The following ASIC2 variants were observed in gnomAD, a reference collection of about 807,000 sequenced individuals.
ASIC2 encodes acid sensing ion channel subunit 2.
A neutral mutation model predicts 57.3 loss-of-function variants in ASIC2; 25 were observed. The observed-to-expected ratio is 0.44, with a 90% confidence interval of 0.32 to 0.61. The LOEUF (loss-of-function observed/expected upper bound fraction) is 0.61, where lower values mean the gene tolerates loss of function less well. Ranked by LOEUF, ASIC2 falls within the 20% of genes least tolerant of loss-of-function variation. The pLI, the probability that ASIC2 is intolerant of heterozygous loss-of-function variation, is 0.06. For missense variants in ASIC2, 641 were observed against 738.1 expected (o/e 0.87, Z 1.52); for synonymous variants, 319 against 307.5 (o/e 1.04, Z -0.39).
intron 2 of ASIC2, among the ~76,000 whole-genome samples, chr17:33,097,654 A>T (rs1291670629): frequency 6.6e-6 from 1 of 152,236 alleles, no homozygotes; most frequent in African/African-American, 2.4e-5. Context: ...CATTGGTGCC[A>T]GATGACAAGC....
chr17:33,526,203 T>G (rs1265829150), intron 1 of ASIC2, among the ~76,000 whole-genome samples: 1 of 152,122 alleles, frequency 6.6e-6, no homozygotes, highest in African/African-American at 2.4e-5. Flanking sequence ...CAACCAGCCT[T>G]TTCTGGAGCA....
intron 1 of ASIC2, among the ~76,000 whole-genome samples, chr17:33,813,135 G>A (rs1054938459): frequency 6.6e-6 from 1 of 152,150 alleles, no homozygotes; most frequent in Admixed American, 6.5e-5. Context: ...GATAGTGACC[G>A]CAGAATGGTC....
At chr17:34,096,805 C>T (rs576111910) in intron 1 of ASIC2, among the ~76,000 whole-genome samples, 18 of 129,066 alleles carry the variant, frequency 1.4e-4, no homozygotes, top group Non-Finnish European at 2.3e-4. Flanking sequence ...TGCAGTGAGC[C>T]GAGATCATGC....
At chr17:34,008,814 C>A (rs979562330) in intron 1 of ASIC2, among the ~76,000 whole-genome samples, 2 of 152,168 alleles carry the variant, frequency 1.3e-5, no homozygotes, top group Non-Finnish European at 2.9e-5. Context: ...CCCTAGCCAT[C>A]CCAAGCATGT....
At position 33,159,476 on chromosome 17, in the gene ASIC2, G is replaced by A. The variant is rs73982439; in HGVS notation, c.709-47409C>T. On this transcript the variant is annotated intron_variant, in intron 1 of 9. Coordinates refer to ENST00000225823, the MANE Select transcript of ASIC2 (RefSeq NM_183377.2). ...TAGATCAGTCTCCCCTCTCCCTCCC[G>A]TTTTATTGATGGGAAAACTGAGGCT... 8.5e-5 allele frequency among the ~76,000 whole-genome samples: 13 copies of A among 152,192 alleles called. No homozygotes were observed. In the East Asian group the frequency reaches 1.9e-3, roughly 23 times the overall value.
At chr17:33,111,749 G>C in intron 2 of ASIC2, 168 bp downstream of exon 2, 2 of 934,076 alleles carry the variant, frequency 2.1e-6, no homozygotes, top group South Asian at 2.2e-5. Context: ...GAAACCCAGG[G>C]CATCCCAGCC....
chr17:33,500,305 A>G (rs182965784), intron 1 of ASIC2, among the ~76,000 whole-genome samples: 18 of 152,274 alleles, frequency 1.2e-4, no homozygotes, highest in Admixed American at 7.2e-4. Flanking sequence ...GTGACAGGCC[A>G]AAGTAGCAAC....
chr17:33,865,768 A>AAC (rs1914219926), intron 1 of ASIC2, among the ~76,000 whole-genome samples: 1 of 80,032 alleles, frequency 1.2e-5, no homozygotes. Context: ...ATAAAAAAAA[A>AAC]AAACAAAAAA....
intron 1 of ASIC2, among the ~76,000 whole-genome samples, chr17:33,777,084 G>C (rs1911305889): frequency 6.6e-6 from 1 of 152,034 alleles, no homozygotes; most frequent in African/African-American, 2.4e-5. Context: ...GCCAATGTCT[G>C]CCTCTTGGGC....
intron 2 of ASIC2, among the ~76,000 whole-genome samples, chr17:33,101,853 T>G (rs943753073): frequency 7.9e-5 from 12 of 151,192 alleles, no homozygotes; most frequent in Non-Finnish European, 1.3e-4. Context: ...GTTTTTCCTG[T>G]TTTTTTTTCC....
chr17:33,762,134 G>C (rs1910803293), intron 1 of ASIC2, among the ~76,000 whole-genome samples: 1 of 152,178 alleles, frequency 6.6e-6, no homozygotes, highest in Non-Finnish European at 1.5e-5. Context: ...AGCAGGTGCT[G>C]AGAATGGTAT....
intron 1 of ASIC2, among the ~76,000 whole-genome samples, chr17:33,311,207 G>A (rs1906402287): frequency 6.6e-6 from 1 of 152,194 alleles, no homozygotes; most frequent in South Asian, 2.1e-4. Context: ...CATGCTTCTA[G>A]GTCTCTAGGT....
intron 1 of ASIC2, among the ~76,000 whole-genome samples, chr17:34,099,476 G>A (rs1910735346): frequency 7.4e-6 from 1 of 134,760 alleles, no homozygotes; most frequent in Non-Finnish European, 1.5e-5. Context: ...GAGAGAGAAA[G>A]GAAGGAAGGA....
At chr17:33,867,795 T>C (rs576819907) in intron 1 of ASIC2, among the ~76,000 whole-genome samples, 1 of 152,332 alleles carries the variant, frequency 6.6e-6, no homozygotes, top group East Asian at 1.9e-4. Flanking sequence ...TGGGATCATG[T>C]CTATATCTTT....
chr17:33,089,016 C>T (rs1240258776), intron 2 of ASIC2, 26 bp from the exon 3 acceptor site: 2 of 1,613,148 alleles, frequency 1.2e-6, no homozygotes, highest in South Asian at 2.2e-5. Flanking sequence ...TGGACAGAGC[C>T]ACGGGTCAGT....
intron 1 of ASIC2, among the ~76,000 whole-genome samples, chr17:33,710,515 G>A (rs1252648030): frequency 6.6e-6 from 1 of 152,214 alleles, no homozygotes; most frequent in Admixed American, 6.5e-5. Context: ...CTGCAATCTG[G>A]TGAGGTCATG....
At chr17:33,754,145 G>A (rs1320483392) in intron 1 of ASIC2, among the ~76,000 whole-genome samples, 1 of 152,074 alleles carries the variant, frequency 6.6e-6, no homozygotes, top group African/African-American at 2.4e-5. Flanking sequence ...TGTTCTTTAT[G>A]GGGTAGGTTG....
intron 1 of ASIC2, among the ~76,000 whole-genome samples, chr17:33,522,132 C>T (rs8064300): frequency 0.26 from 38,865 of 152,088 alleles, 5,051 homozygotes; most frequent in East Asian, 0.34. Flanking sequence ...TGTCAGTCCC[C>T]CCACTCCTTC....
intron 1 of ASIC2, among the ~76,000 whole-genome samples, chr17:33,707,501 T>C (rs1412697993): frequency 1.3e-5 from 2 of 152,206 alleles, no homozygotes. Context: ...AAACTTTGTA[T>C]TTTGGCTTTC....
Sources: gnomAD v4.1 joint callset for allele counts (sites outside exome capture counted in the v4.1 genomes callset) on GRCh38, gnomAD v4.1.1 for gene constraint, MANE v1.5 for transcripts, NCBI Gene and HGNC (gene_info 2026-07-23, HGNC 2026-07-21) for gene names.